ZNF711: variants seen among roughly 807,000 people sequenced by gnomAD.
The protein encoded by ZNF711 is ZFX family zinc finger ZNF711.
A neutral mutation model predicts 43.5 loss-of-function variants in ZNF711; 3 were observed. The ratio of observed to expected loss-of-function variants is 0.07; its 90% CI spans 0.03 to 0.18. ZNF711 has a LOEUF of 0.18. Among genes scored for constraint, ZNF711 ranks in the 10% least tolerant of loss-of-function variants. ZNF711 has a pLI of 1.00. For synonymous variants in ZNF711, 209 were observed against 207.7 expected (o/e 1.01, Z -0.06); for missense variants, 412 against 604.0 (o/e 0.68, Z 3.33).
At chrX:85,258,982 G>A (rs939569149) in intron 5 of ZNF711, among the ~76,000 whole-genome samples, 1 of 110,891 alleles carries the variant, frequency 9.0e-6, no homozygotes, top group South Asian at 3.8e-4. Context: ...ATTCTTTCCC[G>A]AGGCCAATGT....
chrX:85,264,236 G>T (rs753813874), intron 5 of ZNF711, 39 bp from the exon 6 acceptor site: 66 of 1,108,932 alleles, frequency 6.0e-5, no homozygotes, highest in Non-Finnish European at 2.5e-5. Context: ...TTTGTCAATG[G>T]TATTTTTTGA....
chrX:85,249,498 A>G (rs193296661), intron 4 of ZNF711, among the ~76,000 whole-genome samples: 61 of 111,274 alleles, frequency 5.5e-4, no homozygotes, highest in Non-Finnish European at 8.1e-4. Context: ...CTTTCAAAAG[A>G]TGAAAAAAAA....
intron 4 of ZNF711, among the ~76,000 whole-genome samples, chrX:85,254,613 CAAAAAAAAAAAAAAAAAAAAAAAAAAA>C (rs764074077): frequency 2.3e-4 from 1 of 4,293 alleles, no homozygotes; most frequent in Non-Finnish European, 3.6e-4. Context: ...GACTCCGTCT[CAAAAAAAAAAAAAAAAAAAAAAAAAAA>C]AAAAAAAAAA....
intron 2 of ZNF711, 83 bp downstream of exon 2, chrX:85,246,105 AGTT>A (rs1403081564): frequency 1.8e-5 from 2 of 112,230 alleles, no homozygotes; most frequent in Non-Finnish European, 3.8e-5. Flanking sequence ...AGACATTTGT[AGTT>A]GTTCTATTAG....
chrX:85,270,303 G>A (rs1415272718), intron 10 of ZNF711, among the ~76,000 whole-genome samples, 157 bp downstream of exon 10: 1 of 103,751 alleles, frequency 9.6e-6, no homozygotes, highest in Non-Finnish European at 2.0e-5. Context: ...TTTACTTTGT[G>A]TGACTGGTAC....
chrX:85,267,194 G>A, intron 7 of ZNF711, 84 bp from the exon 8 acceptor site: 1 of 791,166 alleles, frequency 1.3e-6, no homozygotes, highest in South Asian at 4.5e-5. Context: ...AAATTTGAAA[G>A]TTGAAAGATT....
chrX:85,257,523 T>C (rs773307198), intron 5 of ZNF711, among the ~76,000 whole-genome samples: 45 of 112,506 alleles, frequency 4.0e-4, no homozygotes, highest in Non-Finnish European at 6.2e-4. Context: ...TACGGCTGTG[T>C]AGTATTCTGT....
chrX:85,262,494 G>T (rs112707529), intron 5 of ZNF711, among the ~76,000 whole-genome samples: 1 of 109,357 alleles, frequency 9.1e-6, no homozygotes, highest in African/African-American at 3.3e-5. Flanking sequence ...TGAGAATATA[G>T]TTTTTTTCTA....
At position 85,267,239 on chromosome X, in the gene ZNF711, A is replaced by G. The variant is rs1157022434; in HGVS notation, c.917-39A>G. On this transcript the variant is annotated intron_variant, in intron 7 of 10. Transcript: ENST00000674551. ...TGGAATTTTTACCCACTTATTAAAT[A>G]TTTGGGGTTATAAACAAGCAATTAT... 2.9e-6 allele frequency: 3 copies of G among 1,041,939 alleles called. No homozygotes were observed. The African/African-American group carries it at 5.8e-5, about 20-fold the overall frequency. The allele number at this position is 1,041,939 out of a possible 1,213,427, so 85.9% of individuals were successfully genotyped here. A position where few individuals can be genotyped will look rare whatever the true frequency, so the allele number is the denominator to read the frequency against.
At chrX:85,263,643 T>C (rs1459571887) in intron 5 of ZNF711, among the ~76,000 whole-genome samples, 2 of 110,315 alleles carry the variant, frequency 1.8e-5, no homozygotes, top group African/African-American at 6.6e-5. Context: ...CTGTAGTTTA[T>C]GTGAACTCAT....
At chrX:85,251,368 G>T (rs1030263819) in intron 4 of ZNF711, among the ~76,000 whole-genome samples, 2 of 111,705 alleles carry the variant, frequency 1.8e-5, no homozygotes, top group African/African-American at 6.5e-5. Flanking sequence ...TGAAGTATGA[G>T]ATTGAATTTA....
At chrX:85,269,248 T>C (rs1179180232) in intron 9 of ZNF711, among the ~76,000 whole-genome samples, 2 of 111,845 alleles carry the variant, frequency 1.8e-5, no homozygotes, top group African/African-American at 6.5e-5. Context: ...TTCAGTAATA[T>C]GTCTACATTT....
At chrX:85,246,774 A>G (rs1929082048) in intron 2 of ZNF711, among the ~76,000 whole-genome samples, 156 bp from the exon 3 acceptor site, 1 of 112,653 alleles carries the variant, frequency 8.9e-6, no homozygotes, top group East Asian at 2.8e-4. Context: ...GAAATGAAAT[A>G]GATTGAGCCC....
At chrX:85,268,268 CTTTT>C (rs753221892) in intron 8 of ZNF711, 22 bp from the exon 9 acceptor site, 1,571 of 901,181 alleles carry the variant, frequency 1.7e-3, no homozygotes, top group Non-Finnish European at 1.9e-3. Context: ...TGTAATTGGT[CTTTT>C]TTTTTTTTTT....
chrX:85,246,460 G>A (rs758600330), intron 2 of ZNF711, among the ~76,000 whole-genome samples: 1 of 112,014 alleles, frequency 8.9e-6, no homozygotes, highest in African/African-American at 3.2e-5. Context: ...CCTGCCTCCT[G>A]AATACCAATT....
chrX:85,247,689 G>C lies in ZNF711; in HGVS notation c.79+38G>C, dbSNP rs1189207723. On this transcript the variant is annotated intron_variant, in intron 4 of 10. Coordinates refer to ENST00000674551, the MANE Select transcript of ZNF711 (RefSeq NM_001330574.2). Reference sequence around the variant, plus strand: ...CTTTGTTGTATTTTTTTCTTTTTTAGAAGTAAGGGGATAATAAAAATCAAA... The same window carrying C: ...CTTTGTTGTATTTTTTTCTTTTTTACAAGTAAGGGGATAATAAAAATCAAA... 3.8e-6 allele frequency: 4 copies of C among 1,054,086 alleles called. No individual in the cohort carries two copies. In the African/African-American group the frequency reaches 7.4e-5, roughly 20 times the overall value. The allele number at this position is 1,054,086 out of a possible 1,213,427, so 86.9% of individuals were successfully genotyped here.
intron 2 of ZNF711, among the ~76,000 whole-genome samples, chrX:85,246,408 T>C (rs1929052131): frequency 8.9e-6 from 1 of 112,500 alleles, no homozygotes; most frequent in Non-Finnish European, 1.9e-5. Flanking sequence ...AGCATATTTA[T>C]GTATATACCT....
At chrX:85,251,083 T>C (rs1252947127) in intron 4 of ZNF711, among the ~76,000 whole-genome samples, 1 of 111,382 alleles carries the variant, frequency 9.0e-6, no homozygotes, top group Non-Finnish European at 1.9e-5. Flanking sequence ...CTCTTTAAAT[T>C]CTGTTAGCGT....
In ZNF711 at chrX:85,270,150, A is replaced by T. The variant is rs2147872645; in HGVS notation, c.1246+4A>T. The T allele has an allele frequency of 1.7e-6, 2 of 1,206,272 alleles. No individual in the cohort carries two copies. On this transcript the variant is annotated splice_donor_region_variant and intron_variant, in intron 10 of 10. Transcript: ENST00000674551. The stretch of plus-strand genomic sequence containing the variant: ...GAAACCAGGCAGTGGCAAACAGGTA[A>T]ATACTTTGCTTTATGAATATTATAA...
Sources: gnomAD v4.1 joint callset for allele counts (sites outside exome capture counted in the v4.1 genomes callset) on GRCh38, gnomAD v4.1.1 for gene constraint, MANE v1.5 for transcripts, NCBI Gene and HGNC (gene_info 2026-07-23, HGNC 2026-07-21) for gene names.